FARS2: variants seen among roughly 807,000 people sequenced by gnomAD.
The protein encoded by FARS2 is phenylalanine--tRNA ligase, mitochondrial.
Under a neutral mutation model 46.4 loss-of-function variants are expected in FARS2, and 40 were observed. The observed-to-expected ratio is 0.86, with a 90% CI of 0.67 to 1.12. FARS2 has a LOEUF of 1.12. Among genes scored for constraint, FARS2 ranks in the 50% most tolerant of loss-of-function variants. The pLI is 0.00. For synonymous variants in FARS2, 234 were observed against 214.9 expected (o/e 1.09, Z -0.78); for missense variants, 513 against 567.9 (o/e 0.90, Z 0.98).
rs118156603 is a variant in FARS2 at position 5,559,220 on chromosome 6, T to C, written c.1065+13880T>C. 3.4e-3 allele frequency among the ~76,000 whole-genome samples: 519 copies of C among 151,840 alleles called. 11 individuals carry two copies. Among genetic ancestry groups the C allele is most frequent in the East Asian group, 0.028 (145 of 5,142 alleles). ...GCATTTGAGACCAGCCTGGGCAACA[T>C]AGAGAGACCCCGTCTTTACAGAGCA... On this transcript the variant is annotated intron_variant, in intron 5 of 6. Coordinates refer to ENST00000274680, the MANE Select transcript of FARS2 (RefSeq NM_006567.5).
intron 5 of FARS2, among the ~76,000 whole-genome samples, chr6:5,554,329 A>C (rs919906681): frequency 1.3e-5 from 2 of 152,348 alleles, no homozygotes; most frequent in Non-Finnish European, 1.5e-5. Flanking sequence ...CGAGGAAAGA[A>C]GAGAAAGGGC....
chr6:5,613,122 C>G, intron 5 of FARS2, 47 bp from the exon 6 acceptor site: 1 of 1,527,484 alleles, frequency 6.5e-7, no homozygotes. Context: ...TAAATATTCT[C>G]ATTCAACTAA....
chr6:5,642,565 G>A (rs192094039), intron 6 of FARS2, among the ~76,000 whole-genome samples: 16 of 152,192 alleles, frequency 1.1e-4, no homozygotes, highest in African/African-American at 3.4e-4. Context: ...CTTCCCTCTT[G>A]CATATGGAAT....
At chr6:5,470,849 A>AT (rs1432652020) in intron 4 of FARS2, among the ~76,000 whole-genome samples, 2 of 152,164 alleles carry the variant, frequency 1.3e-5, no homozygotes, top group Non-Finnish European at 2.9e-5. Context: ...AAGAGACTCA[A>AT]TTTTTTTATC....
chr6:5,768,009 C>T (rs889623522), intron 6 of FARS2, among the ~76,000 whole-genome samples: 3 of 152,154 alleles, frequency 2.0e-5, no homozygotes, highest in East Asian at 1.9e-4. Context: ...TGGCTTTCCT[C>T]GGGAGACCAC....
At chr6:5,383,147 G>A (rs984394503) in intron 2 of FARS2, among the ~76,000 whole-genome samples, 1 of 152,136 alleles carries the variant, frequency 6.6e-6, no homozygotes, top group Non-Finnish European at 1.5e-5. Flanking sequence ...CCATTCTTGG[G>A]GATCTTCATG....
At chr6:5,318,396 A>AAAAAC (rs1554162432) in intron 1 of FARS2, among the ~76,000 whole-genome samples, 11 of 136,386 alleles carry the variant, frequency 8.1e-5, no homozygotes, top group Admixed American at 2.9e-4. Flanking sequence ...CCAAAAAAAA[A>AAAAAC]AAAAAAAAAA....
Position 5,539,373 on chromosome 6 carries a change from A to AT in FARS2, c.905-5799dup, listed in dbSNP as rs200878410. On this transcript the variant is annotated intron_variant, in intron 4 of 6. Coordinates refer to ENST00000274680, the MANE Select transcript of FARS2 (RefSeq NM_006567.5). ...AGGTGCCCGCCACCATGCCCACCTA[A>AT]TTTTTTTTGTGTATATATATATATA... is the stretch of plus-strand genomic sequence containing the variant. 2.1e-3 allele frequency among the ~76,000 whole-genome samples: 168 copies of AT among 81,840 alleles called. 1 individual carries two copies. The highest frequency in any genetic ancestry group is 2.9e-3 in the Non-Finnish European group (142 of 48,188). 53.7% of individuals were successfully genotyped at this position (81,840 alleles called of 152,430 possible). A position where few individuals can be genotyped will look rare whatever the true frequency, so the allele number is the denominator to read the frequency against.
chr6:5,749,716 A>G (rs1272325562), intron 6 of FARS2, among the ~76,000 whole-genome samples: 1 of 152,226 alleles, frequency 6.6e-6, no homozygotes, highest in African/African-American at 2.4e-5. Context: ...AAAGAGATTT[A>G]TCCTCCCCAT....
chr6:5,549,179 CT>C (rs113605580), intron 5 of FARS2, among the ~76,000 whole-genome samples: 4,936 of 140,566 alleles, frequency 0.035, 241 homozygotes, highest in African/African-American at 0.11. Flanking sequence ...ACTTTTCTGG[CT>C]TTTTTTTTTT....
intron 5 of FARS2, among the ~76,000 whole-genome samples, chr6:5,594,792 G>T (rs1774107059): frequency 6.6e-6 from 1 of 152,176 alleles, no homozygotes; most frequent in Admixed American, 6.5e-5. Context: ...GGGCTGTGCT[G>T]GCATCTCTGA....
intron 3 of FARS2, among the ~76,000 whole-genome samples, chr6:5,407,448 A>G (rs962095612): frequency 6.6e-6 from 1 of 152,142 alleles, no homozygotes; most frequent in African/African-American, 2.4e-5. Context: ...CGCATAGTTC[A>G]TGTAATATAT....
intron 4 of FARS2, among the ~76,000 whole-genome samples, chr6:5,480,550 A>G (rs1766390538): frequency 6.6e-6 from 1 of 152,230 alleles, no homozygotes; most frequent in African/African-American, 2.4e-5. Context: ...AAATATTCTA[A>G]CTGCAAGTTG....
intron 5 of FARS2, among the ~76,000 whole-genome samples, chr6:5,593,298 C>T (rs757278677): frequency 8.2e-5 from 12 of 146,594 alleles, no homozygotes; most frequent in South Asian, 4.2e-4. Flanking sequence ...CACCTCCCGC[C>T]CCCACCGGCC....
chr6:5,556,379 G>A (rs946033203), intron 5 of FARS2, among the ~76,000 whole-genome samples: 5 of 151,918 alleles, frequency 3.3e-5, no homozygotes, highest in Non-Finnish European at 7.4e-5. Context: ...GGAAACATGC[G>A]CTGTTCTGAG....
At chr6:5,484,815 C>A (rs1766678923) in intron 4 of FARS2, among the ~76,000 whole-genome samples, 1 of 152,180 alleles carries the variant, frequency 6.6e-6, no homozygotes, top group African/African-American at 2.4e-5. Context: ...TCTGTTGTTG[C>A]TGAGAGAATG....
intron 4 of FARS2, among the ~76,000 whole-genome samples, chr6:5,537,618 C>T (rs1473258878): frequency 6.6e-6 from 1 of 151,698 alleles, no homozygotes; most frequent in Non-Finnish European, 1.5e-5. Flanking sequence ...GGAGATGTCC[C>T]GGGCTTCCTC....
intron 4 of FARS2, among the ~76,000 whole-genome samples, chr6:5,438,192 A>G (rs935961070): frequency 1.3e-5 from 2 of 148,470 alleles, no homozygotes; most frequent in East Asian, 2.0e-4. Context: ...ATTATTAACT[A>G]TAATTTTTTA....
At chr6:5,444,003 G>A (rs1763987470) in intron 4 of FARS2, among the ~76,000 whole-genome samples, 1 of 152,058 alleles carries the variant, frequency 6.6e-6, no homozygotes, top group South Asian at 2.1e-4. Flanking sequence ...GGGCTGTGGT[G>A]GTGGTTCTGA....
Sources: gnomAD v4.1 joint callset for allele counts (sites outside exome capture counted in the v4.1 genomes callset) on GRCh38, gnomAD v4.1.1 for gene constraint, MANE v1.5 for transcripts, NCBI Gene and HGNC (gene_info 2026-07-23, HGNC 2026-07-21) for gene names.